COMMD1: variants seen among roughly 807,000 people sequenced by gnomAD.
COMMD1 encodes COMM domain-containing protein 1.
Under a neutral mutation model 17.2 loss-of-function variants are expected in COMMD1, and 10 were observed. That is an observed-to-expected ratio of 0.58 (90% CI 0.36 to 0.99). COMMD1 has a LOEUF of 0.99. Ranked by LOEUF, COMMD1 falls within the 50% of genes least tolerant of loss-of-function variation. The probability of loss-of-function intolerance (pLI) is 0.01; values close to 1 mark genes in which losing one functional copy is unlikely to be tolerated. For missense variants in COMMD1, 270 were observed against 231.8 expected (o/e 1.17, Z -1.07); for synonymous variants, 97 against 91.6 (o/e 1.06, Z -0.34).
At chr2:61,988,778 T>C (rs1277925513) in intron 1 of COMMD1, among the ~76,000 whole-genome samples, 2 of 152,176 alleles carry the variant, frequency 1.3e-5, no homozygotes, top group African/African-American at 4.8e-5. Context: ...TTTTGTTTAT[T>C]GAGGACCCCA....
intron 2 of COMMD1, among the ~76,000 whole-genome samples, chr2:62,130,022 A>C (rs963537085): frequency 5.3e-5 from 8 of 152,050 alleles, no homozygotes; most frequent in Non-Finnish European, 1.0e-4. Flanking sequence ...AAAAATATAA[A>C]AAATTAGCCG....
chr2:61,902,658 T>C (rs190574008), upstream of COMMD1, among the ~76,000 whole-genome samples: 738 of 152,202 alleles, frequency 4.8e-3, 8 homozygotes, highest in African/African-American at 0.016. Context: ...AGTGAGATAA[T>C]ATTTTTCATG....
intron 1 of COMMD1, among the ~76,000 whole-genome samples, chr2:61,929,982 G>A (rs1434375979): frequency 6.6e-6 from 1 of 151,574 alleles, no homozygotes; most frequent in African/African-American, 2.4e-5. Context: ...TTTATCATAA[G>A]GGACTCAGCC....
At chr2:62,108,797 T>C (rs1467306148) in intron 2 of COMMD1, among the ~76,000 whole-genome samples, 1 of 152,216 alleles carries the variant, frequency 6.6e-6, no homozygotes, top group Admixed American at 6.5e-5. Flanking sequence ...CCATTTATAG[T>C]AGACCTAGAT....
intron 1 of COMMD1, among the ~76,000 whole-genome samples, chr2:61,936,590 A>G (rs574049487): frequency 3.9e-5 from 6 of 152,186 alleles, no homozygotes; most frequent in African/African-American, 7.2e-5. Context: ...ACAAATTTCT[A>G]GAAACTTCAT....
chr2:61,897,230 A>G (rs1337137698), intron 1 of COMMD1, among the ~76,000 whole-genome samples: 3 of 152,196 alleles, frequency 2.0e-5, no homozygotes, highest in South Asian at 2.1e-4. Flanking sequence ...TCACTTCTCC[A>G]TGATTAACTA....
chr2:61,963,234 TAC>T lies in COMMD1; in HGVS notation c.181-37451_181-37450del, dbSNP rs567391883. Among the ~76,000 whole-genome samples the T allele has an allele frequency of 3.1e-4, 46 of 148,970 alleles. No individual in the cohort carries two copies. The South Asian group carries it at 5.4e-3, about 17-fold the overall frequency. ...ACACACACACACATATATACATATA[TAC>T]ACACACACACACACATATATATTTG... On this transcript the variant is annotated intron_variant, in intron 1 of 2. Transcript: ENST00000311832.
At chr2:62,021,734 G>T (rs1669618521) in intron 2 of COMMD1, among the ~76,000 whole-genome samples, 1 of 152,176 alleles carries the variant, frequency 6.6e-6, no homozygotes, top group African/African-American at 2.4e-5. Flanking sequence ...AAGTTGGAGG[G>T]CAAGTCTATA....
chr2:61,895,826 A>G (rs1411469117), intron 1 of COMMD1, among the ~76,000 whole-genome samples: 2 of 152,144 alleles, frequency 1.3e-5, no homozygotes, highest in Non-Finnish European at 1.5e-5. Context: ...GCATCTGGTA[A>G]TAGGCGCATT....
intron 2 of COMMD1, among the ~76,000 whole-genome samples, chr2:62,044,057 A>G (rs1341522932): frequency 6.6e-6 from 1 of 152,136 alleles, no homozygotes; most frequent in Non-Finnish European, 1.5e-5. Flanking sequence ...GTAAAGTTTT[A>G]TACTTTGCTG....
intron 2 of COMMD1, among the ~76,000 whole-genome samples, chr2:62,074,894 T>G (rs969675638): frequency 1.3e-5 from 2 of 149,214 alleles, no homozygotes; most frequent in African/African-American, 2.5e-5. Context: ...TTTTTTTTTT[T>G]TTTTTTTTTT....
At chr2:62,004,888 G>A (rs1198128487) in intron 2 of COMMD1, among the ~76,000 whole-genome samples, 1 of 152,140 alleles carries the variant, frequency 6.6e-6, no homozygotes, top group Non-Finnish European at 1.5e-5. Context: ...GAGAATTAAC[G>A]ATCCTAGGAT....
chr2:62,052,755 G>A (rs1327168063), intron 2 of COMMD1, among the ~76,000 whole-genome samples: 1 of 152,134 alleles, frequency 6.6e-6, no homozygotes, highest in African/African-American at 2.4e-5. Flanking sequence ...AGAGTCCTAA[G>A]TATAAAACCC....
intron 2 of COMMD1, among the ~76,000 whole-genome samples, chr2:62,043,845 G>T (rs1464403556): frequency 2.6e-5 from 4 of 152,046 alleles, no homozygotes; most frequent in African/African-American, 4.8e-5. Flanking sequence ...TGGTGTTTTT[G>T]GTATGTGTAT....
In COMMD1 at chr2:61,960,113, ATGTGTGTGTGTGTG is replaced by A. The variant is rs70946771; in HGVS notation, c.181-40580_181-40567del. On this transcript the variant is annotated intron_variant, in intron 1 of 2. Transcript: ENST00000311832. ...AGCTAGGACAGCTGATTTGGAATAT[ATGTGTGTGTGTGTG>A]TGTGTGTACACACACACTGTAATAG... Among the ~76,000 whole-genome samples, 400 of 150,226 alleles carry A rather than the reference ATGTGTGTGTGTGTG, an allele frequency of 2.7e-3. 8 individuals carry two copies. The highest frequency in any genetic ancestry group is 0.023 in the Admixed American group (344 of 15,090).
At chr2:61,917,088 T>C (rs1351810170) in intron 1 of COMMD1, among the ~76,000 whole-genome samples, 4 of 152,066 alleles carry the variant, frequency 2.6e-5, no homozygotes, top group Non-Finnish European at 5.9e-5. Context: ...ACACAAAGGC[T>C]CATGCCTGTA....
chr2:61,964,941 C>T (rs1012438945), intron 1 of COMMD1, among the ~76,000 whole-genome samples: 2 of 151,988 alleles, frequency 1.3e-5, no homozygotes, highest in East Asian at 1.9e-4. Flanking sequence ...GAGACTGAGG[C>T]GGAAGAATCG....
exon 1 of COMMD1, chr2:61,888,826 G>C (rs995825569): frequency 2.5e-5 from 10 of 399,048 alleles, no homozygotes; most frequent in Non-Finnish European, 4.5e-5. Context: ...GACAACGCGC[G>C]ATTTTAAAGG....
Position 61,978,763 on chromosome 2 carries a change from C to T in COMMD1, c.181-21938C>T, listed in dbSNP as rs1028617945. 7.2e-5 allele frequency among the ~76,000 whole-genome samples: 11 copies of T among 152,234 alleles called. No individual in the cohort carries two copies. In the South Asian group the frequency reaches 2.3e-3, roughly 32 times the overall value. ...GGTTCTTCATAAGCTGTTTTTAGCA[C>T]AGTGCCTAGGTTCTAAGAGAGACAA... On this transcript the variant is annotated intron_variant, in intron 1 of 2. Transcript: ENST00000311832.
Sources: allele counts gnomAD v4.1 joint callset (sites outside exome capture counted in the v4.1 genomes callset), GRCh38; gene constraint gnomAD v4.1.1; transcripts MANE v1.5; gene names NCBI Gene and HGNC (gene_info 2026-07-23, HGNC 2026-07-21).